The following IL1RL2 variants were observed in gnomAD, a reference collection of about 807,000 sequenced individuals.
The protein encoded by IL1RL2 is interleukin-1 receptor-like 2.
IL1RL2 carries 68 observed loss-of-function variants against 66.8 expected under a neutral mutation model. That is an observed-to-expected ratio of 1.02 (90% confidence interval 0.84 to 1.25). The LOEUF is 1.25. Ranked by LOEUF, IL1RL2 falls within the 50% of genes most tolerant of loss-of-function variation. The probability of loss-of-function intolerance (pLI) is 0.00; values close to 1 mark genes in which losing one functional copy is unlikely to be tolerated. For missense variants in IL1RL2, 729 were observed against 709.3 expected, an observed-to-expected ratio of 1.03 and a Z score of -0.32; for synonymous variants, 305 against 264.6, an observed-to-expected ratio of 1.15 and a Z score of -1.48.
intron 8 of IL1RL2, among the ~76,000 whole-genome samples, chr2:102,221,091 C>T (rs974923562): frequency 6.6e-6 from 1 of 152,212 alleles, no homozygotes; most frequent in Non-Finnish European, 1.5e-5. Flanking sequence ...ATGGGGAATC[C>T]TTCTTGGGTT....
At chr2:102,233,752 C>A (rs1360533530) in intron 10 of IL1RL2, among the ~76,000 whole-genome samples, 2 of 152,052 alleles carry the variant, frequency 1.3e-5, no homozygotes, top group Non-Finnish European at 2.9e-5. Flanking sequence ...GAAGGGGTCC[C>A]CGGCATGGAG....
chr2:102,204,016 C>A (rs1688491236), intron 5 of IL1RL2, among the ~76,000 whole-genome samples: 1 of 151,978 alleles, frequency 6.6e-6, no homozygotes, highest in Non-Finnish European at 1.5e-5. Context: ...GATGTAGGCA[C>A]TTATAGCTAT....
Position 102,219,090 on chromosome 2 carries a change from T to C in IL1RL2, c.854+8T>C. On this transcript the variant is annotated splice_region_variant and intron_variant, in intron 7 of 11. Coordinates refer to ENST00000264257, the MANE Select transcript of IL1RL2 (RefSeq NM_003854.4). ...AATCAGAGAAGGGGTGGAGTAGGTG[T>C]TTTGCTTTTTTGACTTCTCTAAACG... The C allele has an allele frequency of 6.2e-7, 1 of 1,613,642 alleles. No homozygotes were observed.
At chr2:102,200,982 A>G (rs936488780) in intron 4 of IL1RL2, among the ~76,000 whole-genome samples, 4 of 152,138 alleles carry the variant, frequency 2.6e-5, no homozygotes, top group African/African-American at 4.8e-5. Context: ...TTGGACTTCT[A>G]TAAAGTCCAA....
intron 8 of IL1RL2, among the ~76,000 whole-genome samples, chr2:102,223,920 T>C (rs1690368474): frequency 6.6e-6 from 1 of 152,126 alleles, no homozygotes. Context: ...GTGCCCAGGA[T>C]TGGATTGGGC....
Position 102,239,310 on chromosome 2 carries a change from C to T in IL1RL2, c.*69C>T. On this transcript the variant is annotated 3_prime_UTR_variant, in exon 12 of 12. Coordinates refer to ENST00000264257, the MANE Select transcript of IL1RL2 (RefSeq NM_003854.4). ...GCTCCATGTCTCCTCATTCCTACAC[C>T]TATTTTCTGCTGCAGGATGAGGCTA... The T allele has an allele frequency of 7.1e-7, 1 of 1,410,560 alleles. No individual in the cohort carries two copies. The highest frequency in any genetic ancestry group is 1.0e-6 in the Non-Finnish European group (1 of 994,972). 87.4% of individuals were successfully genotyped at this position (1,410,560 alleles called of 1,614,324 possible). A position where few individuals can be genotyped will look rare whatever the true frequency, so the allele number is the denominator to read the frequency against.
At chr2:102,193,469 T>C (rs1405363284) in intron 4 of IL1RL2, among the ~76,000 whole-genome samples, 1 of 152,198 alleles carries the variant, frequency 6.6e-6, no homozygotes, top group Non-Finnish European at 1.5e-5. Context: ...AGTGGTGTGA[T>C]CATGGCTCAC....
chr2:102,226,292 TAAGTCCTGCTGCAACC>T (rs1490534956), intron 9 of IL1RL2, among the ~76,000 whole-genome samples: 1 of 152,202 alleles, frequency 6.6e-6, no homozygotes, highest in Non-Finnish European at 1.5e-5. Flanking sequence ...GATCATCTTC[TAAGTCCTGCTGCAACC>T]ATGTTACAAA....
chr2:102,237,748 T>C (rs763761299), intron 11 of IL1RL2, among the ~76,000 whole-genome samples: 1 of 152,150 alleles, frequency 6.6e-6, no homozygotes, highest in Non-Finnish European at 1.5e-5. Context: ...ACCGCTGACA[T>C]GTAGGCAGGT....
chr2:102,189,346 G>A, intron 3 of IL1RL2, 36 bp downstream of exon 3: 1 of 1,240,880 alleles, frequency 8.1e-7, no homozygotes, highest in Middle Eastern at 1.9e-4. Flanking sequence ...TAACTCGTGT[G>A]TGTATGTATA....
intron 6 of IL1RL2, among the ~76,000 whole-genome samples, 160 bp downstream of exon 6, chr2:102,212,334 A>T (rs1350243604): frequency 1.3e-5 from 2 of 152,226 alleles, no homozygotes; most frequent in Non-Finnish European, 1.5e-5. Flanking sequence ...AGGAATCAAA[A>T]TAAAACACCA....
chr2:102,215,465 T>C (rs1029681348), intron 6 of IL1RL2, among the ~76,000 whole-genome samples: 2 of 152,198 alleles, frequency 1.3e-5, no homozygotes, highest in African/African-American at 2.4e-5. Context: ...CATGGTGCCC[T>C]GCTTCCTGTA....
intron 5 of IL1RL2, among the ~76,000 whole-genome samples, chr2:102,209,496 A>G (rs1475429551): frequency 6.6e-6 from 1 of 150,590 alleles, no homozygotes; most frequent in East Asian, 2.0e-4. Flanking sequence ...AGGGAACAGT[A>G]TAGGACAAAG....
At chr2:102,235,519 A>T in intron 11 of IL1RL2, 1 of 985,394 alleles carries the variant, frequency 1.0e-6, no homozygotes, top group Non-Finnish European at 1.2e-6. Context: ...GCTTATTGAC[A>T]CATGCCCACT....
intron 8 of IL1RL2, among the ~76,000 whole-genome samples, chr2:102,223,782 A>G (rs146609262): frequency 2.3e-3 from 357 of 152,294 alleles, no homozygotes; most frequent in South Asian, 5.0e-3. Flanking sequence ...ATTCCCAGAC[A>G]CGAGTCGTCC....
chr2:102,236,580 G>A (rs1372955240), intron 11 of IL1RL2, among the ~76,000 whole-genome samples: 1 of 152,078 alleles, frequency 6.6e-6, no homozygotes, highest in Non-Finnish European at 1.5e-5. Flanking sequence ...TTTTATTTCG[G>A]TAAACTATAT....
chr2:102,231,312 A>G (rs1472573966), intron 9 of IL1RL2, among the ~76,000 whole-genome samples: 1 of 152,074 alleles, frequency 6.6e-6, no homozygotes, highest in African/African-American at 2.4e-5. Flanking sequence ...AGCCTGGCCA[A>G]CATAACGAAA....
intron 8 of IL1RL2, among the ~76,000 whole-genome samples, chr2:102,222,592 C>G (rs1442920584): frequency 1.3e-5 from 2 of 152,112 alleles, no homozygotes; most frequent in African/African-American, 2.4e-5. Context: ...GAACAGAGAG[C>G]CAGATCAGAG....
Position 102,187,266 on chromosome 2 carries a change from A to G in IL1RL2, c.-13+180A>G. ...GGGAGCCGACTCCGTCTCTGGGTCGAGGAGTGGAGCTCGCGGCTATTTTCA... is the reference window on the plus strand; with the variant it reads ...GGGAGCCGACTCCGTCTCTGGGTCGGGGAGTGGAGCTCGCGGCTATTTTCA... On this transcript the variant is annotated intron_variant, in intron 1 of 11. Coordinates refer to ENST00000264257, the MANE Select transcript of IL1RL2 (RefSeq NM_003854.4). The G allele has an allele frequency of 5.9e-6, 7 of 1,181,246 alleles. No individual in the cohort carries two copies. In the South Asian group the frequency reaches 1.1e-4, roughly 18 times the overall value. 73.2% of individuals were successfully genotyped at this position (1,181,246 alleles called of 1,614,324 possible).
Sources: gnomAD v4.1 joint callset for allele counts (sites outside exome capture counted in the v4.1 genomes callset) on GRCh38, gnomAD v4.1.1 for gene constraint, MANE v1.5 for transcripts, NCBI Gene and HGNC (gene_info 2026-07-23, HGNC 2026-07-21) for gene names.